ZZEF1: variants seen among roughly 807,000 people sequenced by gnomAD.
The protein encoded by ZZEF1 is zinc finger ZZ-type and EF-hand domain-containing protein 1.
Under a neutral mutation model 342.8 loss-of-function variants are expected in ZZEF1, and 157 were observed. That is an observed-to-expected ratio of 0.46 (90% CI 0.40 to 0.52). ZZEF1 has a LOEUF of 0.52. Among genes scored for constraint, ZZEF1 ranks in the 20% least tolerant of loss-of-function variants. ZZEF1 has a pLI of 0.00. For synonymous variants in ZZEF1, 1,505 were observed against 1,429.1 expected, an observed-to-expected ratio of 1.05 and a Z score of -1.20; for missense variants, 3,480 against 3,725.6, an observed-to-expected ratio of 0.93 and a Z score of 1.72.
chr17:4,048,873 A>ATTTTTTTTTTTTTTTT (rs71144157), intron 37 of ZZEF1, among the ~76,000 whole-genome samples: 10 of 133,756 alleles, frequency 7.5e-5, no homozygotes, highest in Non-Finnish European at 1.1e-4. Context: ...AGCCTGGATA[A>ATTTTTTTTTTTTTTTT]TTTTTTTTTT....
chr17:4,050,706 T>A (rs2057025090), intron 36 of ZZEF1, 75 bp downstream of exon 36: 3 of 1,593,932 alleles, frequency 1.9e-6, no homozygotes, highest in Non-Finnish European at 8.5e-7. Flanking sequence ...CTAAGCTTAG[T>A]ATTTTACATT....
chr17:4,100,632 G>A (rs545223530), intron 9 of ZZEF1, among the ~76,000 whole-genome samples: 5 of 152,230 alleles, frequency 3.3e-5, no homozygotes, highest in African/African-American at 1.2e-4. Flanking sequence ...TCAGGAGATC[G>A]AGACCATCCT....
rs2057742222 is a variant in ZZEF1 at position 4,082,462 on chromosome 17, A to G, written c.2689T>C (p.Phe897Leu). 6.2e-7 allele frequency: 1 copy of G among 1,614,064 alleles called. No individual in the cohort carries two copies. The highest frequency in any genetic ancestry group is 8.5e-7 in the Non-Finnish European group (1 of 1,180,028). ...QEHKQSLQLT[F>L]RSLCTYFSDK... is the part of the protein sequence containing the mutation. ...CTAAAATACGTGCACAGTGAACGGA[A>G]AGTGAGCTGCAGGGACTGCTTGTGC... The change falls in exon 17 of 55, where the codon TTC becomes CTC. Residue 897 changes from phenylalanine to leucine, a missense_variant. Physicochemically the swap from Phe to Leu is conservative, Grantham distance 22. Transcript: ENST00000381638.
intron 33 of ZZEF1, among the ~76,000 whole-genome samples, chr17:4,055,410 G>A (rs1003801268): frequency 1.3e-5 from 2 of 152,210 alleles, no homozygotes; most frequent in Non-Finnish European, 2.9e-5. Context: ...GGCACATGTG[G>A]TAGCGATGGA....
intron 41 of ZZEF1, 83 bp downstream of exon 41, chr17:4,032,745 T>A (rs2056575940): frequency 6.9e-7 from 1 of 1,442,910 alleles, no homozygotes; most frequent in Non-Finnish European, 9.6e-7. Flanking sequence ...TATGCCTATA[T>A]ATCCGGAAGC....
intron 2 of ZZEF1, among the ~76,000 whole-genome samples, chr17:4,119,365 C>T (rs2058447888): frequency 6.6e-6 from 1 of 152,166 alleles, no homozygotes; most frequent in Non-Finnish European, 1.5e-5. Flanking sequence ...GTCTGCAATC[C>T]CTCCAGGAGT....
intron 36 of ZZEF1, among the ~76,000 whole-genome samples, 194 bp downstream of exon 36, chr17:4,050,587 T>C (rs906373280): frequency 6.6e-6 from 1 of 152,254 alleles, no homozygotes; most frequent in African/African-American, 2.4e-5. Flanking sequence ...AAATTAAATG[T>C]TGAACTTCAA....
chr17:4,063,173 C>T (rs1157291232), intron 29 of ZZEF1, among the ~76,000 whole-genome samples: 13 of 152,220 alleles, frequency 8.5e-5, no homozygotes, highest in Non-Finnish European at 2.9e-5. Context: ...TAAAAAGGAA[C>T]ATTGATATTT....
chr17:4,099,956 TA>T (rs1315549958), intron 9 of ZZEF1, among the ~76,000 whole-genome samples: 7 of 152,110 alleles, frequency 4.6e-5, no homozygotes, highest in African/African-American at 1.7e-4. Context: ...TTAAAGGACT[TA>T]ATAAATCTAC....
At position 4,019,776 on chromosome 17, in the gene ZZEF1, G is replaced by T; in HGVS notation, c.7405-7C>A. 2 of 1,601,178 alleles carry T rather than the reference G, an allele frequency of 1.2e-6. No homozygotes were observed. Among genetic ancestry groups the T allele is most frequent in the Non-Finnish European group, 1.7e-6 (2 of 1,175,398 alleles). On this transcript the variant is annotated splice_region_variant and splice_polypyrimidine_tract_variant and intron_variant, in intron 45 of 54. Transcript: ENST00000381638. ...TGAGGGCATCATGAGCCATCTGGAG[G>T]CCAGGGGAGGACGCAGACAAGAACC...
Position 4,112,663 on chromosome 17 carries a change from T to C in ZZEF1, c.1012A>G (p.Ser338Gly). Residue 338 changes from serine to glycine, a missense_variant, in exon 5 of 55, where the codon AGC becomes GGC. This residue lies in a region of ZZEF1 where 92 missense variants were observed against 130.3 expected (regional missense o/e 0.71). Coordinates refer to ENST00000381638, the MANE Select transcript of ZZEF1 (RefSeq NM_015113.4). ...AGCGTCACATAGCCAGTGACATTGC[T>C]GGGGATGTGCACATCTCGGACTTCC... ...LQEVRDVHIP[S>G]NVTGYVTLLE... 6.2e-7 allele frequency: 1 copy of C among 1,614,238 alleles called. No homozygotes were observed. The highest frequency in any genetic ancestry group is 8.5e-7 in the Non-Finnish European group (1 of 1,180,046).
At position 4,032,940 on chromosome 17, in the gene ZZEF1, G is replaced by A. The variant is rs754411629; in HGVS notation, c.6647C>T (p.Pro2216Leu). 1.2e-6 allele frequency: 2 copies of A among 1,611,558 alleles called. No individual in the cohort carries two copies. The highest frequency in any genetic ancestry group is 1.7e-6 in the Non-Finnish European group (2 of 1,178,832). The change falls in exon 41 of 55, where the codon CCA becomes CTA. Residue 2216 changes from proline to leucine, a missense_variant. Pro to Leu is a moderately conservative substitution (Grantham distance 98). Coordinates refer to ENST00000381638, the MANE Select transcript of ZZEF1 (RefSeq NM_015113.4). ...GGTGGCAATGACATCACGCCACAGT[G>A]GGGCACTGTTGAGTGACCGCAGGAT... ...AEILRSLNSA[P>L]LWRDVIATFT...
rs2055776830 is a variant in ZZEF1, at chr17:4,005,173, G to C, written c.*1717C>G. 2 of 152,348 alleles carry C rather than the reference G, an allele frequency of 1.3e-5. No homozygotes were observed. The highest frequency in any genetic ancestry group is 2.4e-5 in the African/African-American group (1 of 41,464). 9.4% of individuals were successfully genotyped at this position (152,348 alleles called of 1,614,324 possible). A position where few individuals can be genotyped will look rare whatever the true frequency, so the allele number is the denominator to read the frequency against. Reference sequence around the variant, plus strand: ...TTGTTTCCTGTGAGTCCCCTCTTGGGAAACTCCTTACTGGGAGGCCTCCTC... The same window carrying C: ...TTGTTTCCTGTGAGTCCCCTCTTGGCAAACTCCTTACTGGGAGGCCTCCTC... On this transcript the variant is annotated 3_prime_UTR_variant, in exon 55 of 55. Coordinates refer to ENST00000381638, the MANE Select transcript of ZZEF1 (RefSeq NM_015113.4).
At chr17:4,120,823 T>C (rs1472810654) in intron 2 of ZZEF1, among the ~76,000 whole-genome samples, 1 of 152,238 alleles carries the variant, frequency 6.6e-6, no homozygotes, top group Non-Finnish European at 1.5e-5. Context: ...AAAAAGTGTT[T>C]TCATATGCTG....
chr17:4,070,105 A>T (rs1394348405), intron 26 of ZZEF1, among the ~76,000 whole-genome samples: 1 of 152,146 alleles, frequency 6.6e-6, no homozygotes, highest in African/African-American at 2.4e-5. Context: ...AGACATGAGG[A>T]AAAGAGATGG....
intron 1 of ZZEF1, among the ~76,000 whole-genome samples, chr17:4,138,966 C>T (rs926338366): frequency 4.0e-5 from 6 of 150,724 alleles, no homozygotes; most frequent in African/African-American, 1.2e-4. Flanking sequence ...GACTTTGGTC[C>T]ATGGTCCAAC....
At chr17:4,031,656 A>C (rs147694771) in intron 42 of ZZEF1, among the ~76,000 whole-genome samples, 58 of 152,366 alleles carry the variant, frequency 3.8e-4, no homozygotes, top group Admixed American at 9.8e-4. Flanking sequence ...TAGATACTCC[A>C]GATTGCCTGG....
In ZZEF1 at chr17:4,075,214, C is replaced by G. The variant is rs1367700796; in HGVS notation, c.3402-36G>C. On this transcript the variant is annotated intron_variant, in intron 22 of 54. Coordinates refer to ENST00000381638, the MANE Select transcript of ZZEF1 (RefSeq NM_015113.4). ...ATAACCTCTATTAGCTTCCTTCTCT[C>G]ATTGCTGACCTATTAGCGCTTGGGG... is the stretch of plus-strand genomic sequence containing the variant. 4 of 1,613,550 alleles carry G rather than the reference C, an allele frequency of 2.5e-6. No individual in the cohort carries two copies. The Admixed American group carries it at 6.7e-5, about 27-fold the overall frequency.
chr17:4,142,401 G>A, intron 1 of ZZEF1, 141 bp downstream of exon 1: 2 of 900,328 alleles, frequency 2.2e-6, no homozygotes, highest in East Asian at 2.8e-5. Flanking sequence ...AAAGAGAAAC[G>A]AAGCAAACGC....
Sources: gnomAD v4.1 joint callset for allele counts (sites outside exome capture counted in the v4.1 genomes callset) on GRCh38, gnomAD v4.1.1 for gene constraint, gnomAD v4.1.1 regional missense constraint, MANE v1.5 for transcripts, NCBI Gene and HGNC (gene_info 2026-07-23, HGNC 2026-07-21) for gene names.